The following IRS2 variants were observed in gnomAD, a reference collection of about 807,000 sequenced individuals.
IRS2 encodes insulin receptor substrate 2.
A neutral mutation model predicts 70.9 loss-of-function variants in IRS2; 28 were observed. The ratio of observed to expected loss-of-function variants is 0.39; its 90% CI spans 0.29 to 0.54. The LOEUF is 0.54. IRS2 is among the 20% of genes least tolerant of loss of function. The pLI is 0.59. For synonymous variants in IRS2, 1,217 were observed against 981.9 expected, an observed-to-expected ratio of 1.24 and a Z score of -4.48; for missense variants, 2,081 against 2,024.1, an observed-to-expected ratio of 1.03 and a Z score of -0.54.
Position 109,783,738 on chromosome 13 carries a change from G to T in IRS2, c.2316C>A (p.Ser772Arg), listed in dbSNP as rs1390277653. Reference sequence around the variant, plus strand: ...GCGGGGTGCCCGTGGTGACCGCGTCGCTGGGGGACACGTTGAGGTAGTCCC... The same window carrying T: ...GCGGGGTGCCCGTGGTGACCGCGTCTCTGGGGGACACGTTGAGGTAGTCCC... ...PNGDYLNVSP[S>R]DAVTTGTPPD... Residue 772 changes from serine (S) to arginine (R), a missense_variant, in exon 1 of 2, where the codon AGC becomes AGA. Ser to Arg is a moderately radical substitution (Grantham distance 110). Around this residue, in one of 4 missense-constraint regions of IRS2, gnomAD observed 1,615 missense variants for 1,459.5 expected, o/e 1.11. Transcript: ENST00000375856. The T allele has an allele frequency of 1.9e-6, 3 of 1,585,198 alleles. No individual in the cohort carries two copies. Among genetic ancestry groups the T allele is most frequent in the African/African-American group, 1.3e-5 (1 of 74,482 alleles).
At chr13:109,770,731 C>T (rs1274773840) in intron 1 of IRS2, among the ~76,000 whole-genome samples, 4 of 152,186 alleles carry the variant, frequency 2.6e-5, no homozygotes, top group African/African-American at 9.7e-5. Context: ...TCTGAAGGCA[C>T]CTAGGGAACA....
rs1477373539 is a variant in IRS2 at position 109,782,942 on chromosome 13, G to T, written c.3112C>A (p.Pro1038Thr). ...GGGGGCAGGCGGTACAGCTCCCCCGGGGCCGGCGGCGGTGGCGGCGGCTGC... is the reference window on the plus strand; with the variant it reads ...GGGGGCAGGCGGTACAGCTCCCCCGTGGCCGGCGGCGGTGGCGGCGGCTGC... ...SLQPPPPPPA[P>T]GELYRLPPAS... The change falls in exon 1 of 2, where the codon CCG becomes ACG. Residue 1038 changes from proline (P) to threonine (T), a missense_variant. Transcript: ENST00000375856. The T allele has an allele frequency of 2.0e-6, 3 of 1,463,688 alleles. No homozygotes were observed. The highest frequency in any genetic ancestry group is 1.8e-6 in the Non-Finnish European group (2 of 1,111,152). 90.7% of individuals were successfully genotyped at this position (1,463,688 alleles called of 1,614,324 possible). A position where few individuals can be genotyped will look rare whatever the true frequency, so the allele number is the denominator to read the frequency against.
At position 109,754,634 on chromosome 13, in the gene IRS2, A is replaced by G. The variant is rs1594376635; in HGVS notation, c.*1670T>C. 1 of 199,032 alleles carries G rather than the reference A, an allele frequency of 5.0e-6. No individual in the cohort carries two copies. The allele number at this position is 199,032 out of a possible 1,614,324, so 12.3% of individuals were successfully genotyped here. ...ATTTCAGAAAAGTAAAACCTTAAAA[A>G]TGTTCAGGGAGATCACTTTACATTC... On this transcript the variant is annotated 3_prime_UTR_variant, in exon 2 of 2. Transcript: ENST00000375856.
chr13:109,759,449 G>A (rs913949), intron 1 of IRS2, among the ~76,000 whole-genome samples: 103,175 of 152,024 alleles, frequency 0.68, 38,102 homozygotes, highest in Middle Eastern at 0.82. Flanking sequence ...GGAAAAGGCT[G>A]GAGCACACCT....
At chr13:109,767,835 C>A (rs998317342) in intron 1 of IRS2, among the ~76,000 whole-genome samples, 1 of 150,642 alleles carries the variant, frequency 6.6e-6, no homozygotes, top group Non-Finnish European at 1.5e-5. Context: ...CGGGTTCCAG[C>A]GATTCTCCTG....
intron 1 of IRS2, among the ~76,000 whole-genome samples, chr13:109,767,328 C>T (rs1877357802): frequency 6.6e-6 from 1 of 152,098 alleles, no homozygotes; most frequent in Non-Finnish European, 1.5e-5. Flanking sequence ...TCCTGTCCAG[C>T]AAGGAGAAGG....
chr13:109,781,639 C>A (rs570670247), intron 1 of IRS2, among the ~76,000 whole-genome samples: 3 of 152,294 alleles, frequency 2.0e-5, no homozygotes, highest in East Asian at 3.9e-4. Flanking sequence ...CTGAGGGCAG[C>A]GGTCCGGACC....
chr13:109,781,094 C>T (rs1877684914), intron 1 of IRS2, among the ~76,000 whole-genome samples: 4 of 152,302 alleles, frequency 2.6e-5, no homozygotes, highest in Admixed American at 2.6e-4. Context: ...ATCACCTGGA[C>T]AACTCTGAAA....
rs746210276 is a variant in IRS2 at position 109,783,078 on chromosome 13, G to A, written c.2976C>T (p.Gly992=). 2 of 1,382,414 alleles carry A rather than the reference G, an allele frequency of 1.4e-6. No individual in the cohort carries two copies. Among genetic ancestry groups the A allele is most frequent in the Non-Finnish European group, 1.9e-6 (2 of 1,074,710 alleles). The allele number at this position is 1,382,414 out of a possible 1,614,324, so 85.6% of individuals were successfully genotyped here. Reference sequence around the variant, plus strand: ...AGCCCACGGGGTGGCCGCTCGGGGCGCCCGGCTTAGGAGACTTGGGGGAGC... The same window carrying A: ...AGCCCACGGGGTGGCCGCTCGGGGCACCCGGCTTAGGAGACTTGGGGGAGC... The part of the protein sequence containing the change: ...DFSSPKSPKP[G]APSGHPVGSL... The change falls in exon 1 of 2, where the codon GGC becomes GGT. Residue 992 remains glycine, a synonymous_variant. Coordinates refer to ENST00000375856, the MANE Select transcript of IRS2 (RefSeq NM_003749.3).
In IRS2 at chr13:109,784,352, C is replaced by T; in HGVS notation, c.1702G>A (p.Asp568Asn). ...TAGGTCCTCTTGCGCAGCCCTCGGT[C>T]CAGGTCCTGGGCCGCGTCCCCCGAG... ...RVSGDAAQDLDRGLRKRTYSL... is the reference protein window; with the variant it reads ...RVSGDAAQDLNRGLRKRTYSL... The change falls in exon 1 of 2, where the codon GAC (aspartate) becomes AAC (asparagine). Residue 568 changes from aspartate to asparagine, a missense_variant. This residue lies in a region of IRS2 where 1,615 missense variants were observed against 1,459.5 expected (regional missense o/e 1.11). Transcript: ENST00000375856. The surrounding 1 kb of genome is among the most constrained non-coding windows in gnomAD (Gnocchi z 5.2). The T allele has an allele frequency of 6.2e-7, 1 of 1,609,268 alleles. No individual in the cohort carries two copies. The highest frequency in any genetic ancestry group is 2.2e-5 in the East Asian group (1 of 44,792).
At chr13:109,779,564 A>G (rs1375806340) in intron 1 of IRS2, among the ~76,000 whole-genome samples, 6 of 152,228 alleles carry the variant, frequency 3.9e-5, no homozygotes, top group Admixed American at 3.3e-4. Context: ...CTTTGGTGCT[A>G]CGTGGACTAA....
At position 109,784,816 on chromosome 13, in the gene IRS2, C is replaced by T; in HGVS notation, c.1238G>A (p.Gly413Glu). 7.9e-7 allele frequency: 1 copy of T among 1,266,290 alleles called. No homozygotes were observed. The allele number at this position is 1,266,290 out of a possible 1,614,324, so 78.4% of individuals were successfully genotyped here. The change falls in exon 1 of 2, where the codon GGG (glycine) becomes GAG (glutamate). Residue 413 changes from glycine to glutamate, a missense_variant. Gly to Glu is a moderately conservative substitution (Grantham distance 98, BLOSUM62 -2). Transcript: ENST00000375856. This position sits in a 1 kb window ranked among gnomAD's most constrained non-coding sequence, Gnocchi z 5.2. Reference protein sequence around the residue: ...HTLSGGCGGRGSKVALLPAGG... With the variant: ...HTLSGGCGGRESKVALLPAGG... ...TGCCGGCAGCAGCGCCACCTTGCTC[C>T]CGCGGCCGCCGCAGCCGCCGCTCAG...
chr13:109,779,684 C>T (rs1877654902), intron 1 of IRS2, among the ~76,000 whole-genome samples: 1 of 152,088 alleles, frequency 6.6e-6, no homozygotes, highest in South Asian at 2.1e-4. Flanking sequence ...GCATGGTGGA[C>T]TGACTGCAGT....
chr13:109,765,184 C>T (rs993127673), intron 1 of IRS2, among the ~76,000 whole-genome samples: 13 of 152,128 alleles, frequency 8.5e-5, no homozygotes, highest in Admixed American at 3.3e-4. Context: ...AAATGCAGGC[C>T]GACATTTAAG....
chr13:109,783,839 C>A lies in IRS2; in HGVS notation c.2215G>T (p.Asp739Tyr). Residue 739 changes from aspartate to tyrosine, a missense_variant, in exon 1 of 2, where the codon GAC becomes TAC. By Grantham distance (160) the Asp-to-Tyr change is radical (BLOSUM62 -3). Around this residue, in one of 4 missense-constraint regions of IRS2, gnomAD observed 1,615 missense variants for 1,459.5 expected, o/e 1.11. Transcript: ENST00000375856. ...CACCACATGCGCATGTACCCACTGT[C>A]CTCGGGGGAGCTCTCGGCGGGCGAG... ...ASSPAESSPE[D>Y]SGYMRMWCGS... The A allele has an allele frequency of 6.3e-7, 1 of 1,577,404 alleles. No individual in the cohort carries two copies. Among genetic ancestry groups the A allele is most frequent in the Non-Finnish European group, 8.6e-7 (1 of 1,161,812 alleles).
At chr13:109,775,292 T>C (rs147118576) in intron 1 of IRS2, among the ~76,000 whole-genome samples, 2,237 of 152,020 alleles carry the variant, frequency 0.015, 69 homozygotes, top group African/African-American at 0.051. Flanking sequence ...CTAATTTTTG[T>C]ATTTTTAGTA....
intron 1 of IRS2, among the ~76,000 whole-genome samples, chr13:109,770,197 AG>A (rs1877421552): frequency 6.6e-6 from 1 of 152,146 alleles, no homozygotes; most frequent in Admixed American, 6.5e-5. Context: ...GCAGGAAAGG[AG>A]GGGGCTTTCC....
At chr13:109,776,148 C>CAAA (rs34025950) in intron 1 of IRS2, among the ~76,000 whole-genome samples, 2 of 110,804 alleles carry the variant, frequency 1.8e-5, no homozygotes, top group Admixed American at 1.8e-4. Context: ...GACTCCGTCT[C>CAAA]AAAAAAAAAA....
Position 109,782,724 on chromosome 13 carries a change from G to T in IRS2, c.3330C>A (p.Leu1110=). The change falls in exon 1 of 2, where the codon CTC becomes CTA. Residue 1110 remains leucine, a synonymous_variant. Coordinates refer to ENST00000375856, the MANE Select transcript of IRS2 (RefSeq NM_003749.3). ...SPTSGVKRLS[L]MEQVSGVEAF... ...CCTCGACTCCCGACACCTGCTCCAT[G>T]AGGCTCAGCCTCTTCACGCCCGACG... 6.3e-7 allele frequency: 1 copy of T among 1,596,070 alleles called. No homozygotes were observed. Among genetic ancestry groups the T allele is most frequent in the Non-Finnish European group, 8.5e-7 (1 of 1,172,196 alleles).
Sources: allele counts gnomAD v4.1 joint callset (sites outside exome capture counted in the v4.1 genomes callset), GRCh38; gene constraint gnomAD v4.1.1; regional missense constraint gnomAD v4.1.1; non-coding constraint Gnocchi (gnomAD v3.1); transcripts MANE v1.5; gene names NCBI Gene and HGNC (gene_info 2026-07-23, HGNC 2026-07-21).